Variants in TAF1 observed in about 807,000 individuals in gnomAD.
TAF1 encodes the protein TATA-box binding protein associated factor 1.
Under a neutral mutation model 138.5 loss-of-function variants are expected in TAF1, and 2 were observed. That is an observed-to-expected ratio of 0.01 (90% confidence interval 0.01 to 0.05). The LOEUF (loss-of-function observed/expected upper bound fraction) is 0.05, where lower values mean the gene tolerates loss of function less well. Among genes scored for constraint, TAF1 ranks in the 10% least tolerant of loss-of-function variants. The pLI is 1.00. For missense variants in TAF1, 709 were observed against 1,478.0 expected, an observed-to-expected ratio of 0.48 and a Z score of 8.53; for synonymous variants, 437 against 503.2, an observed-to-expected ratio of 0.87 and a Z score of 1.76.
At chrX:71,429,207 G>A (rs1379293311) in intron 32 of TAF1, among the ~76,000 whole-genome samples, 2 of 110,358 alleles carry the variant, frequency 1.8e-5, no homozygotes, top group Non-Finnish European at 3.8e-5. Context: ...CCTGGGAGGC[G>A]GAGCTTGCAG....
chrX:71,482,590 AT>A (rs1297728206), intron 13 of TAF1, among the ~76,000 whole-genome samples: 1 of 112,686 alleles, frequency 8.9e-6, no homozygotes. Flanking sequence ...AAAATACTTT[AT>A]CGCTAAAAAA....
chrX:71,376,680 C>A (rs908778945), intron 4 of TAF1, among the ~76,000 whole-genome samples: 5 of 106,715 alleles, frequency 4.7e-5, no homozygotes, highest in Non-Finnish European at 9.7e-5. Flanking sequence ...AAAAAAAAAA[C>A]AACAAAAAAT....
intron 32 of TAF1, among the ~76,000 whole-genome samples, chrX:71,427,868 G>C (rs1219673484): frequency 9.5e-6 from 1 of 105,055 alleles, no homozygotes; most frequent in Non-Finnish European, 2.0e-5. Context: ...GAACCTGGGA[G>C]GTAGAGGTTG....
chrX:71,393,257 T>C, intron 20 of TAF1, 44 bp from the exon 21 acceptor site: 1 of 1,151,104 alleles, frequency 8.7e-7, no homozygotes, highest in Non-Finnish European at 1.2e-6. Flanking sequence ...TGTGTGTGTG[T>C]GTGTGTGTAT....
chrX:71,404,208 G>A (rs1270457399), intron 25 of TAF1, among the ~76,000 whole-genome samples: 1 of 110,453 alleles, frequency 9.1e-6, no homozygotes, highest in Non-Finnish European at 1.9e-5. Context: ...TTCTGACCTC[G>A]TGATCCACCT....
chrX:71,500,439 G>A (rs1284271817), intron 13 of TAF1, among the ~76,000 whole-genome samples: 1 of 99,716 alleles, frequency 1.0e-5, no homozygotes, highest in Non-Finnish European at 2.0e-5. Context: ...AATGGCTTAG[G>A]ATGCATTTCA....
intron 37 of TAF1, 81 bp downstream of exon 37, chrX:71,460,884 T>A: frequency 8.8e-7 from 1 of 1,138,794 alleles, no homozygotes; most frequent in Non-Finnish European, 1.2e-6. Context: ...AGATTACTTT[T>A]CATCCATCAA....
intron 34 of TAF1, 65 bp downstream of exon 34, chrX:71,454,922 G>A (rs2038213893): frequency 1.7e-6 from 2 of 1,195,282 alleles, no homozygotes; most frequent in Middle Eastern, 2.3e-4. Flanking sequence ...TTGGGAGCAT[G>A]TTAACAAATC....
chrX:71,391,878 C>G (rs2034586654), intron 18 of TAF1, among the ~76,000 whole-genome samples: 1 of 110,906 alleles, frequency 9.0e-6, no homozygotes, highest in Non-Finnish European at 1.9e-5. Flanking sequence ...CTGCCCGCCT[C>G]AGCCTCCCAG....
intron 13 of TAF1, among the ~76,000 whole-genome samples, chrX:71,508,327 T>C (rs1043434532): frequency 9.1e-6 from 1 of 109,831 alleles, no homozygotes; most frequent in Non-Finnish European, 1.9e-5. Flanking sequence ...CGGTGGCTCA[T>C]GCCTGTAATC....
chrX:71,405,852 A>G (rs2035437635), intron 25 of TAF1, among the ~76,000 whole-genome samples: 1 of 109,744 alleles, frequency 9.1e-6, no homozygotes, highest in Admixed American at 9.8e-5. Context: ...ATTACTGAAA[A>G]AACAGTTTTT....
intron 32 of TAF1, among the ~76,000 whole-genome samples, chrX:71,434,072 T>A (rs765642758): frequency 8.9e-6 from 1 of 112,135 alleles, no homozygotes; most frequent in East Asian, 2.8e-4. Flanking sequence ...TTTTAATTAA[T>A]AGTAACAAAG....
intron 13 of TAF1, among the ~76,000 whole-genome samples, chrX:71,494,991 G>C (rs1317621825): frequency 8.9e-6 from 1 of 111,766 alleles, no homozygotes; most frequent in Non-Finnish European, 1.9e-5. Flanking sequence ...GCTACACACA[G>C]AGCACTGATT....
intron 13 of TAF1, among the ~76,000 whole-genome samples, chrX:71,486,686 C>T (rs28888517): frequency 0.074 from 8,168 of 110,648 alleles, 662 homozygotes; most frequent in African/African-American, 0.24. Flanking sequence ...TCTTTACTTG[C>T]TGTAAGTCTA....
In TAF1 at chrX:71,456,649, C is replaced by CTTTTTTTTT. The variant is rs776321706; in HGVS notation, c.4939-1557_4939-1549dup. On this transcript the variant is annotated intron_variant, in intron 34 of 37. Transcript: ENST00000423759. ...ATGGTGGTGGTCAATAATGTATTTT[C>CTTTTTTTTT]TTTTTTTTTTTTTTTTTTTTTTTTT... 2.8e-3 allele frequency among the ~76,000 whole-genome samples: 74 copies of CTTTTTTTTT among 26,826 alleles called. 19 individuals are homozygous for CTTTTTTTTT. The highest frequency in any genetic ancestry group is 3.4e-3 in the African/African-American group (21 of 6,186). 23.3% of individuals were successfully genotyped at this position (26,826 alleles called of 115,157 possible).
chrX:71,494,990 A>G, intron 13 of TAF1, among the ~76,000 whole-genome samples: 1 of 112,117 alleles, frequency 8.9e-6, no homozygotes, highest in South Asian at 3.7e-4. Flanking sequence ...AGCTACACAC[A>G]GAGCACTGAT....
rs1192152245 is a variant in TAF1, at chrX:71,409,899, A to AT, written c.4384+1759dup. Among the ~76,000 whole-genome samples the AT allele has an allele frequency of 1.3e-3, 135 of 101,348 alleles. No individual in the cohort carries two copies. In the South Asian group the frequency reaches 0.014, roughly 10 times the overall value. 88.0% of individuals were successfully genotyped at this position (101,348 alleles called of 115,157 possible). A position where few individuals can be genotyped will look rare whatever the true frequency, so the allele number is the denominator to read the frequency against. ...AGACCAACTCATATTACCTCTTTTT[A>AT]TTTTTTTTTTTGAGATGGAATCTTG... is the stretch of plus-strand genomic sequence containing the variant. On this transcript the variant is annotated intron_variant, in intron 28 of 37. Coordinates refer to ENST00000423759, the MANE Select transcript of TAF1 (RefSeq NM_004606.5).
intron 13 of TAF1, among the ~76,000 whole-genome samples, chrX:71,478,718 A>C (rs770095577): frequency 2.7e-5 from 3 of 112,348 alleles, no homozygotes; most frequent in Non-Finnish European, 5.6e-5. Flanking sequence ...TTCTGAAAAA[A>C]AATATGTAAG....
intron 13 of TAF1, among the ~76,000 whole-genome samples, chrX:71,473,998 A>T (rs1204207831): frequency 9.0e-6 from 1 of 110,777 alleles, no homozygotes; most frequent in Non-Finnish European, 1.9e-5. Flanking sequence ...TACAAAAATT[A>T]GCTGGGCGTG....
Sources: gnomAD v4.1 joint callset for allele counts (sites outside exome capture counted in the v4.1 genomes callset) on GRCh38, gnomAD v4.1.1 for gene constraint, MANE v1.5 for transcripts, NCBI Gene and HGNC (gene_info 2026-07-23, HGNC 2026-07-21) for gene names.